Variants in GLP1R observed in about 807,000 individuals in gnomAD.
GLP1R encodes the protein glucagon-like peptide 1 receptor.
Under a neutral mutation model 68.4 loss-of-function variants are expected in GLP1R, and 32 were observed. The ratio of observed to expected loss-of-function variants is 0.47; its 90% CI spans 0.35 to 0.63. GLP1R has a LOEUF of 0.63. Ranked by LOEUF, GLP1R falls within the 20% of genes least tolerant of loss-of-function variation. The pLI is 0.00. For missense variants in GLP1R, 502 were observed against 594.9 expected (o/e 0.84, Z 1.62); for synonymous variants, 263 against 244.4 (o/e 1.08, Z -0.71).
intron 3 of GLP1R, among the ~76,000 whole-genome samples, chr6:39,060,149 T>C (rs193205077): frequency 3.6e-4 from 55 of 152,330 alleles, no homozygotes; most frequent in Middle Eastern, 6.8e-3. Flanking sequence ...TCCTGGAGCT[T>C]TCCTTGGCAA....
chr6:39,074,755 C>T (rs140549661), intron 7 of GLP1R, among the ~76,000 whole-genome samples: 6 of 152,280 alleles, frequency 3.9e-5, no homozygotes, highest in Admixed American at 2.6e-4. Flanking sequence ...CAAGGCTGTT[C>T]TCCATGCAGG....
rs200473718 is a variant in GLP1R at position 39,066,315 on chromosome 6, C to G, written c.509+12C>G. ...CTCCTCGGCTTCAGGTAAGGTGGCC[C>G]GGACCCTGGGAGGGGGCTGCTTCAT... On this transcript the variant is annotated intron_variant, in intron 5 of 12. Transcript: ENST00000373256. 1.2e-4 allele frequency: 177 copies of G among 1,511,112 alleles called. No homozygotes were observed. The highest frequency in any genetic ancestry group is 7.0e-4 in the Admixed American group (42 of 59,734). 93.6% of individuals were successfully genotyped at this position (1,511,112 alleles called of 1,614,324 possible).
At chr6:39,078,101 A>G (rs1313513359) in intron 7 of GLP1R, among the ~76,000 whole-genome samples, 2 of 152,190 alleles carry the variant, frequency 1.3e-5, no homozygotes, top group African/African-American at 4.8e-5. Context: ...CTGATGACTG[A>G]TGAGGACCTC....
intron 5 of GLP1R, among the ~76,000 whole-genome samples, chr6:39,069,355 C>T (rs1044696580): frequency 5.9e-5 from 9 of 152,078 alleles, no homozygotes; most frequent in East Asian, 5.8e-4. Flanking sequence ...AATTTTTGGC[C>T]GGGCGCAGTG....
Position 39,079,612 on chromosome 6 carries a change from G to A in GLP1R, c.1092G>A (p.Glu364=), listed in dbSNP as rs1197989341. The A allele has an allele frequency of 1.9e-6, 3 of 1,611,058 alleles. 1 individual carries two copies. In the Admixed American group the frequency reaches 5.1e-5, roughly 27 times the overall value. Residue 364 remains glutamate, a synonymous_variant, in exon 11 of 13, where the codon GAG becomes GAA. Transcript: ENST00000373256. This position sits in a 1 kb window ranked among gnomAD's most constrained non-coding sequence, Gnocchi z 4.5. The part of the protein sequence containing the change: ...LTLIPLLGTH[E]VIFAFVMDEH... ...TCATCCCCCTGCTGGGGACTCATGAGGTCATCTTTGCCTTTGTGATGGACG... is the reference window on the plus strand; with the variant it reads ...TCATCCCCCTGCTGGGGACTCATGAAGTCATCTTTGCCTTTGTGATGGACG...
chr6:39,080,914 C>A (rs1768990639), intron 12 of GLP1R, among the ~76,000 whole-genome samples, 175 bp downstream of exon 12: 1 of 152,048 alleles, frequency 6.6e-6, no homozygotes, highest in Non-Finnish European at 1.5e-5. Context: ...TGTGCATGGT[C>A]TCTCTCACAC....
In GLP1R at chr6:39,078,323, T is replaced by C. The variant is rs200586378; in HGVS notation, c.825T>C (p.Gly275=). Reference sequence around the variant, plus strand: ...CTTCTGTCTTTCCCTCTCTCTTAGGTGTTCCCCTGCTGTTTGTTGTCCCCT... The same window carrying C: ...CTTCTGTCTTTCCCTCTCTCTTAGGCGTTCCCCTGCTGTTTGTTGTCCCCT... ...IFRLYVSIGW[G]VPLLFVVPWG... The change falls in exon 8 of 13, where the codon GGT becomes GGC. Residue 275 remains glycine, a splice_region_variant and synonymous_variant. Transcript: ENST00000373256. 1 of 1,610,172 alleles carries C rather than the reference T, an allele frequency of 6.2e-7. No homozygotes were observed. The highest frequency in any genetic ancestry group is 8.5e-7 in the Non-Finnish European group (1 of 1,176,518).
rs1191786225 is a variant in GLP1R at position 39,048,907 on chromosome 6, C to T, written c.67C>T (p.Pro23Ser). Residue 23 changes from proline to serine, a missense_variant, in exon 1 of 13, where the codon CCC (proline) becomes TCC (serine). Coordinates refer to ENST00000373256, the MANE Select transcript of GLP1R (RefSeq NM_002062.5). ...LLLGMVGRAG[P>S]RPQGATVSLW... ...GCTCGGGATGGTGGGCAGGGCCGGC[C>T]CCCGCCCCCAGGTGAGATCCAGGGA... 3.5e-6 allele frequency: 5 copies of T among 1,412,646 alleles called. No individual in the cohort carries two copies. In the South Asian group the frequency reaches 4.4e-5, roughly 12 times the overall value. 87.5% of individuals were successfully genotyped at this position (1,412,646 alleles called of 1,614,324 possible).
chr6:39,083,926 T>A (rs1769080596), intron 12 of GLP1R, among the ~76,000 whole-genome samples: 3 of 152,336 alleles, frequency 2.0e-5, no homozygotes, highest in South Asian at 2.1e-4. Context: ...TGCATTTATG[T>A]GTTCATTCAT....
At chr6:39,077,953 G>T (rs1768875788) in intron 7 of GLP1R, among the ~76,000 whole-genome samples, 1 of 152,214 alleles carries the variant, frequency 6.6e-6, no homozygotes, top group Admixed American at 6.5e-5. Flanking sequence ...GGGTTCGCCT[G>T]CTCCTTGCCT....
intron 11 of GLP1R, among the ~76,000 whole-genome samples, chr6:39,080,307 A>G (rs961279573): frequency 2.0e-5 from 3 of 152,182 alleles, no homozygotes; most frequent in Non-Finnish European, 4.4e-5. Flanking sequence ...TCATGAACAG[A>G]TGGGGCTGGA....
At chr6:39,077,500 G>C (rs1161230608) in intron 7 of GLP1R, among the ~76,000 whole-genome samples, 1 of 152,216 alleles carries the variant, frequency 6.6e-6, no homozygotes, top group Non-Finnish European at 1.5e-5. Context: ...GTTTCCCCCA[G>C]AGCAAGTGAT....
At chr6:39,085,865 T>C (rs2150840267) in intron 12 of GLP1R, 41 bp from the exon 13 acceptor site, 1 of 1,601,240 alleles carries the variant, frequency 6.2e-7, no homozygotes, top group Non-Finnish European at 8.6e-7. Flanking sequence ...TAGCCATTGG[T>C]TTGCATGATG....
In GLP1R at chr6:39,066,204, C is replaced by T. The variant is rs200551011; in HGVS notation, c.410C>T (p.Pro137Leu). The change falls in exon 5 of 13, where the codon CCG (proline) becomes CTG (leucine). Residue 137 changes from proline to leucine, a missense_variant. Transcript: ENST00000373256. ...GTCCCCCGTGTGCCACAGAGCTCCC[C>T]GGAGGAGCAGCTCCTGTTCCTCTAC... ...EESKRGERSSPEEQLLFLYII... is the reference protein window; with the variant it reads ...EESKRGERSSLEEQLLFLYII... The T allele has an allele frequency of 4.8e-5, 77 of 1,593,470 alleles. No individual in the cohort carries two copies. The highest frequency in any genetic ancestry group is 8.0e-5 in the African/African-American group (6 of 74,554).
chr6:39,069,332 C>G (rs535153221), intron 5 of GLP1R, among the ~76,000 whole-genome samples: 54 of 152,238 alleles, frequency 3.5e-4, no homozygotes, highest in African/African-American at 1.3e-3. Flanking sequence ...TAGATAATCT[C>G]TGTGAAGATT....
At chr6:39,078,806 G>A (rs1443058738) in intron 8 of GLP1R, 151 bp from the exon 9 acceptor site, 2 of 706,526 alleles carry the variant, frequency 2.8e-6, no homozygotes, top group Non-Finnish European at 5.1e-6. Context: ...GGGCTCTGTG[G>A]GTCCATGGGA....
intron 12 of GLP1R, among the ~76,000 whole-genome samples, chr6:39,082,080 G>C (rs1374283692): frequency 1.3e-5 from 2 of 152,186 alleles, no homozygotes; most frequent in African/African-American, 4.8e-5. Flanking sequence ...AGGAATTTCA[G>C]AGGATGCCGT....
At chr6:39,077,201 G>A (rs1330661635) in intron 7 of GLP1R, among the ~76,000 whole-genome samples, 1 of 152,156 alleles carries the variant, frequency 6.6e-6, no homozygotes, top group African/African-American at 2.4e-5. Flanking sequence ...TGGATTTCCT[G>A]AATCACATAC....
rs943115970 is a variant in GLP1R, at chr6:39,064,689, G to A, written c.284-1022G>A. Among the ~76,000 whole-genome samples the A allele has an allele frequency of 7.2e-5, 11 of 152,324 alleles. No homozygotes were observed. In the Middle Eastern group the frequency reaches 0.01, roughly 141 times the overall value. On this transcript the variant is annotated intron_variant, in intron 3 of 12. Transcript: ENST00000373256. ...CCTCACATCAAACCTGAGGCCACAG[G>A]CCAGCCATCTCCCTGGTAGGTGGAC...
Sources: gnomAD v4.1 joint callset for allele counts (sites outside exome capture counted in the v4.1 genomes callset) on GRCh38, gnomAD v4.1.1 for gene constraint, Gnocchi (gnomAD v3.1) non-coding constraint, MANE v1.5 for transcripts, NCBI Gene and HGNC (gene_info 2026-07-23, HGNC 2026-07-21) for gene names.